Variants in MEGF11 observed in about 807,000 individuals in gnomAD.
MEGF11 encodes multiple EGF like domains 11.
Under a neutral mutation model 146.6 loss-of-function variants are expected in MEGF11, and 126 were observed. That is an observed-to-expected ratio of 0.86 (90% confidence interval 0.74 to 1.00). The LOEUF (loss-of-function observed/expected upper bound fraction) is 1.00. MEGF11 is among the 50% of genes least tolerant of loss of function. The probability of loss-of-function intolerance (pLI) is 0.00; values close to 1 mark genes in which losing one functional copy is unlikely to be tolerated. For synonymous variants in MEGF11, 532 were observed against 583.4 expected, an observed-to-expected ratio of 0.91 and a Z score of 1.27; for missense variants, 1,509 against 1,521.2, an observed-to-expected ratio of 0.99 and a Z score of 0.13.
intron 5 of MEGF11, among the ~76,000 whole-genome samples, chr15:66,056,095 C>T (rs2084664052): frequency 6.6e-6 from 1 of 152,136 alleles, no homozygotes; most frequent in Non-Finnish European, 1.5e-5. Context: ...CACCCCCTTC[C>T]CCAGCTACTA....
chr15:66,045,573 C>T (rs1460888462), intron 5 of MEGF11, among the ~76,000 whole-genome samples: 2 of 152,204 alleles, frequency 1.3e-5, no homozygotes, highest in Non-Finnish European at 2.9e-5. Context: ...CCAGGCAGGT[C>T]TGGAAGACTA....
chr15:66,228,970 G>A (rs1331744139), intron 1 of MEGF11, among the ~76,000 whole-genome samples: 2 of 152,104 alleles, frequency 1.3e-5, no homozygotes, highest in Non-Finnish European at 2.9e-5. Flanking sequence ...CTGCAGACCT[G>A]GCGGTGGTAA....
intron 1 of MEGF11, among the ~76,000 whole-genome samples, chr15:66,181,329 C>G (rs79429679): frequency 0.014 from 2,104 of 152,314 alleles, 33 homozygotes; most frequent in Middle Eastern, 0.041. Context: ...TCACTGCAGC[C>G]TCAACCTCCC....
intron 1 of MEGF11, among the ~76,000 whole-genome samples, chr15:66,132,520 A>T (rs1036945360): frequency 1.3e-5 from 2 of 152,136 alleles, no homozygotes; most frequent in African/African-American, 4.8e-5. Flanking sequence ...GCTTCTCAAC[A>T]TATTTGCACT....
intron 1 of MEGF11, among the ~76,000 whole-genome samples, chr15:66,187,475 C>T (rs1479830645): frequency 1.3e-5 from 2 of 152,238 alleles, no homozygotes; most frequent in African/African-American, 4.8e-5. Flanking sequence ...AACCCTGAGA[C>T]TGGCCACAGC....
chr15:66,145,677 AC>A (rs2089345339), intron 1 of MEGF11, among the ~76,000 whole-genome samples: 2 of 152,204 alleles, frequency 1.3e-5, no homozygotes, highest in African/African-American at 4.8e-5. Context: ...ATGAGCACAC[AC>A]ACTTTGCTGG....
intron 5 of MEGF11, among the ~76,000 whole-genome samples, chr15:66,000,856 G>A (rs920851561): frequency 3.3e-5 from 5 of 152,346 alleles, no homozygotes; most frequent in African/African-American, 1.2e-4. Context: ...GGCACTTGAG[G>A]TAGGAAGAGG....
At chr15:65,980,070 C>T (rs985183347) in intron 7 of MEGF11, among the ~76,000 whole-genome samples, 10 of 152,086 alleles carry the variant, frequency 6.6e-5, no homozygotes, top group African/African-American at 1.7e-4. Flanking sequence ...GTGCAGGGGG[C>T]GAAGTTAGAT....
At position 65,930,003 on chromosome 15, in the gene MEGF11, T is replaced by C. The variant is rs921180292; in HGVS notation, c.1409-120A>G. On this transcript the variant is annotated intron_variant, in intron 11 of 25. Coordinates refer to ENST00000395614, the MANE Select transcript of MEGF11 (RefSeq NM_001385028.1). ...AACCACTGCTTTCCTGAGGGCTGGGTTAGAACACACATTCCACACAGAGTT... is the reference window on the plus strand; with the variant it reads ...AACCACTGCTTTCCTGAGGGCTGGGCTAGAACACACATTCCACACAGAGTT... The C allele has an allele frequency of 2.1e-5, 21 of 985,832 alleles. No homozygotes were observed. In the Admixed American group the frequency reaches 2.6e-4, roughly 12 times the overall value. The allele number at this position is 985,832 out of a possible 1,614,324, so 61.1% of individuals were successfully genotyped here. A position where few individuals can be genotyped will look rare whatever the true frequency, so the allele number is the denominator to read the frequency against.
intron 25 of MEGF11, 97 bp from the exon 26 acceptor site, chr15:65,898,191 C>A (rs1305122597): frequency 2.8e-5 from 41 of 1,474,646 alleles, no homozygotes; most frequent in Non-Finnish European, 3.5e-5. Flanking sequence ...GGAAAGGAGC[C>A]AGGGATTTAT....
At chr15:66,206,271 G>A (rs1028954299) in intron 1 of MEGF11, among the ~76,000 whole-genome samples, 8 of 151,994 alleles carry the variant, frequency 5.3e-5, no homozygotes, top group South Asian at 2.1e-4. Context: ...ATGCAGCTTC[G>A]GGGGCTTATG....
intron 1 of MEGF11, among the ~76,000 whole-genome samples, chr15:66,155,491 C>T (rs75222288): frequency 0.01 from 1,550 of 152,274 alleles, 30 homozygotes; most frequent in African/African-American, 0.036. Flanking sequence ...CCTCCAGTCT[C>T]CCGGCCTTAA....
At chr15:65,937,417 C>T (rs1422740664) in intron 10 of MEGF11, among the ~76,000 whole-genome samples, 1 of 152,242 alleles carries the variant, frequency 6.6e-6, no homozygotes, top group Non-Finnish European at 1.5e-5. Context: ...ATCCGGAATT[C>T]CTGCTAGAAG....
At chr15:66,232,782 T>C (rs184782683) in intron 1 of MEGF11, among the ~76,000 whole-genome samples, 92 of 152,312 alleles carry the variant, frequency 6.0e-4, no homozygotes, top group African/African-American at 2.1e-3. Flanking sequence ...TGCCAGGCCC[T>C]GTGCCAGCCA....
At chr15:66,212,258 C>A (rs931120284) in intron 1 of MEGF11, among the ~76,000 whole-genome samples, 1 of 152,078 alleles carries the variant, frequency 6.6e-6, no homozygotes, top group Non-Finnish European at 1.5e-5. Context: ...AAAGGGATGG[C>A]GGACCCCTCT....
At chr15:66,198,237 C>A (rs990055345) in intron 1 of MEGF11, among the ~76,000 whole-genome samples, 2 of 152,150 alleles carry the variant, frequency 1.3e-5, no homozygotes, top group East Asian at 3.8e-4. Flanking sequence ...TCAACAGAGG[C>A]GGGGAGATTC....
intron 3 of MEGF11, among the ~76,000 whole-genome samples, chr15:66,120,416 C>T (rs1485237702): frequency 6.6e-6 from 1 of 152,214 alleles, no homozygotes; most frequent in East Asian, 1.9e-4. Context: ...TTCCACTTTT[C>T]CATCAGCACC....
intron 1 of MEGF11, among the ~76,000 whole-genome samples, chr15:66,201,946 C>CAAAAA (rs71139471): frequency 7.5e-4 from 24 of 31,798 alleles, no homozygotes; most frequent in African/African-American, 3.0e-3. Context: ...GACTCCATCT[C>CAAAAA]AAAAAAAAAA....
Position 65,897,678 on chromosome 15 carries a change from G to C in MEGF11, c.*256C>G, listed in dbSNP as rs181772789. The C allele has an allele frequency of 2.0e-5, 6 of 299,626 alleles. No homozygotes were observed. In the East Asian group the frequency reaches 3.4e-4, roughly 17 times the overall value. 18.6% of individuals were successfully genotyped at this position (299,626 alleles called of 1,614,324 possible). On this transcript the variant is annotated 3_prime_UTR_variant, in exon 26 of 26. Transcript: ENST00000395614. ...ATTTAGCTGATGTTGATGAGTAGCT[G>C]TATCTTAAAATGTTTTAAAAATCAT...
Sources: allele counts gnomAD v4.1 joint callset (sites outside exome capture counted in the v4.1 genomes callset), GRCh38; gene constraint gnomAD v4.1.1; transcripts MANE v1.5; gene names NCBI Gene and HGNC (gene_info 2026-07-23, HGNC 2026-07-21).